NOSTRIN: variants seen among roughly 807,000 people sequenced by gnomAD.
The protein encoded by NOSTRIN is nitric oxide synthase trafficking.
Under a neutral mutation model 59.0 loss-of-function variants are expected in NOSTRIN, and 63 were observed. The observed-to-expected ratio is 1.07, with a 90% CI of 0.87 to 1.32. NOSTRIN has a LOEUF of 1.32. Among genes scored for constraint, NOSTRIN ranks in the 40% most tolerant of loss-of-function variants. NOSTRIN has a pLI of 0.00. For missense variants in NOSTRIN, 512 were observed against 473.1 expected (o/e 1.08, Z -0.76); for synonymous variants, 200 against 165.4 (o/e 1.21, Z -1.61).
intron 7 of NOSTRIN, among the ~76,000 whole-genome samples, chr2:168,834,858 C>G (rs190111513): frequency 6.6e-6 from 1 of 151,932 alleles, no homozygotes; most frequent in East Asian, 1.9e-4. Flanking sequence ...ACATATAGTA[C>G]TTTATGTATT....
upstream of NOSTRIN, among the ~76,000 whole-genome samples, chr2:168,801,435 C>A (rs566143704): frequency 6.6e-6 from 1 of 152,082 alleles, no homozygotes; most frequent in Non-Finnish European, 1.5e-5. Flanking sequence ...ATTGCCCAGG[C>A]TGCTCTCAAA....
At chr2:168,838,255 C>G (rs1262973927) in intron 7 of NOSTRIN, among the ~76,000 whole-genome samples, 1 of 152,134 alleles carries the variant, frequency 6.6e-6, no homozygotes, top group Non-Finnish European at 1.5e-5. Flanking sequence ...AATATCATCA[C>G]CCACCTATCC....
At chr2:168,818,252 C>G (rs532408559) in intron 2 of NOSTRIN, 10 of 435,778 alleles carry the variant, frequency 2.3e-5, no homozygotes, top group South Asian at 3.3e-5. Flanking sequence ...CTCCTGTGCT[C>G]GCGAACTCCT....
chr2:168,835,114 G>GCCCAGGCT (rs1288742709), intron 7 of NOSTRIN, among the ~76,000 whole-genome samples: 1 of 151,776 alleles, frequency 6.6e-6, no homozygotes, highest in African/African-American at 2.4e-5. Flanking sequence ...TCACTCTGTG[G>GCCCAGGCT]CCCAGGCTGG....
chr2:168,809,056 G>A (rs1381851197), intron 1 of NOSTRIN, among the ~76,000 whole-genome samples: 2 of 152,154 alleles, frequency 1.3e-5, no homozygotes, highest in African/African-American at 4.8e-5. Context: ...AAAAGACCCT[G>A]TATGAGTTAG....
intron 15 of NOSTRIN, 65 bp from the exon 16 acceptor site, chr2:168,864,769 T>TATC (rs1465732727): frequency 6.3e-6 from 10 of 1,579,672 alleles, no homozygotes; most frequent in Non-Finnish European, 8.6e-6. Flanking sequence ...TTAAAACTCT[T>TATC]ATCAATCGGG....
intron 10 of NOSTRIN, among the ~76,000 whole-genome samples, chr2:168,852,484 GATT>G (rs1404474376): frequency 6.6e-6 from 1 of 152,184 alleles, no homozygotes; most frequent in Non-Finnish European, 1.5e-5. Flanking sequence ...TCTAGGAACT[GATT>G]ATTAATTACC....
intron 11 of NOSTRIN, 24 bp downstream of exon 11, chr2:168,855,484 GC>G: frequency 7.7e-7 from 1 of 1,301,572 alleles, no homozygotes; most frequent in Non-Finnish European, 1.1e-6. Context: ...TCTTTGAATG[GC>G]CAGAAAAGGG....
rs866406364 is a variant in NOSTRIN, at chr2:168,791,370, A to G, written c.-473+3322A>G. On this transcript the variant is annotated intron_variant, in intron 2 of 20. Coordinates refer to the NOSTRIN transcript ENST00000458381. The stretch of plus-strand genomic sequence containing the variant: ...GTATTCCATGGTGTATATGTGCCAC[A>G]TTTTCTTAATCCAGTCTATCATTGT... Among the ~76,000 whole-genome samples the G allele has an allele frequency of 1.8e-4, 27 of 152,142 alleles. No individual in the cohort carries two copies. In the Middle Eastern group the frequency reaches 0.017, roughly 96 times the overall value.
intron 14 of NOSTRIN, 91 bp from the exon 15 acceptor site, chr2:168,861,869 C>G: frequency 8.8e-7 from 1 of 1,135,944 alleles, no homozygotes; most frequent in Non-Finnish European, 1.3e-6. Context: ...TATTGAAACT[C>G]TGCATCACAC....
intron 5 of NOSTRIN, among the ~76,000 whole-genome samples, chr2:168,828,983 TGGA>T (rs1288291267): frequency 6.6e-6 from 1 of 152,110 alleles, no homozygotes; most frequent in African/African-American, 2.4e-5. Flanking sequence ...ATGGTGAAAT[TGGA>T]GGTTATTTTT....
At chr2:168,846,635 T>C (rs766451592) in intron 8 of NOSTRIN, among the ~76,000 whole-genome samples, 6 of 152,320 alleles carry the variant, frequency 3.9e-5, no homozygotes, top group Non-Finnish European at 7.4e-5. Flanking sequence ...ATAACCTATA[T>C]TTTTCACAAT....
chr2:168,845,362 C>T (rs755672811), intron 8 of NOSTRIN, among the ~76,000 whole-genome samples: 1 of 152,168 alleles, frequency 6.6e-6, no homozygotes, highest in Admixed American at 6.5e-5. Flanking sequence ...CTCCATCTTC[C>T]AGGCACCCAC....
intron 3 of NOSTRIN, among the ~76,000 whole-genome samples, chr2:168,826,961 A>G (rs1687094308): frequency 6.6e-6 from 1 of 152,152 alleles, no homozygotes; most frequent in Non-Finnish European, 1.5e-5. Flanking sequence ...AATCTCCTGT[A>G]ATTGTAAGTA....
upstream of NOSTRIN, chr2:168,798,052 G>C (rs1389497208): frequency 6.6e-6 from 1 of 151,930 alleles, no homozygotes; most frequent in Admixed American, 6.6e-5. Flanking sequence ...TCATCTCTAG[G>C]TAACTCATAA....
rs1689482469 is a variant in NOSTRIN, at chr2:168,861,963, C to G, written c.1298C>G (p.Pro433Arg). The change falls in exon 15 of 16, where the codon CCT becomes CGT. Residue 433 changes from proline to arginine, a missense_variant. Pro to Arg is a moderately radical substitution (Grantham distance 103). Transcript: ENST00000317647. The part of the protein sequence containing the change: ...QSNPGSSTPA[P>R]GAAQLSSRLC... ...ATTACAGCTTTATCTATTTCAGCCCCTGGTGCAGCCCAGCTCAGCAGCAGA... is the reference window on the plus strand; with the variant it reads ...ATTACAGCTTTATCTATTTCAGCCCGTGGTGCAGCCCAGCTCAGCAGCAGA... 1 of 1,614,000 alleles carries G rather than the reference C, an allele frequency of 6.2e-7. No homozygotes were observed. The highest frequency in any genetic ancestry group is 8.5e-7 in the Non-Finnish European group (1 of 1,179,970).
chr2:168,792,005 A>G (rs1414107076), intron 2 of NOSTRIN, among the ~76,000 whole-genome samples: 12 of 152,038 alleles, frequency 7.9e-5, no homozygotes, highest in Non-Finnish European at 1.2e-4. Flanking sequence ...CCATTTGTCA[A>G]TTTTGGCTTT....
rs142117431 is a variant in NOSTRIN at position 168,835,265 on chromosome 2, G to C, written c.504+940G>C. Among the ~76,000 whole-genome samples, 296 of 152,186 alleles carry C rather than the reference G, an allele frequency of 1.9e-3. 1 individual carries two copies. Among genetic ancestry groups the C allele is most frequent in the African/African-American group, 6.4e-3 (266 of 41,512 alleles). On this transcript the variant is annotated intron_variant, in intron 7 of 15. Transcript: ENST00000317647. ...AATTTTTTTTTGCATTTTTAGTAGA[G>C]GCGAGGTGTCACCATGTTGGCCAGG...
At chr2:168,863,410 G>C in intron 15 of NOSTRIN, 1 of 984,882 alleles carries the variant, frequency 1.0e-6, no homozygotes, top group Non-Finnish European at 1.2e-6. Context: ...GTGAAAGGAA[G>C]ACTGAAAAAT....
Sources: gnomAD v4.1 joint callset for allele counts (sites outside exome capture counted in the v4.1 genomes callset) on GRCh38, gnomAD v4.1.1 for gene constraint, MANE v1.5 for transcripts, NCBI Gene and HGNC (gene_info 2026-07-23, HGNC 2026-07-21) for gene names.